SPIN1: variants seen among roughly 807,000 people sequenced by gnomAD.
The protein encoded by SPIN1 is spindlin-1.
Under a neutral mutation model 26.0 loss-of-function variants are expected in SPIN1, and 3 were observed. The observed-to-expected ratio is 0.12, with a 90% CI of 0.05 to 0.30. The LOEUF (loss-of-function observed/expected upper bound fraction) is 0.30. Among genes scored for constraint, SPIN1 ranks in the 10% least tolerant of loss-of-function variants. The probability of loss-of-function intolerance (pLI) is 1.00; values close to 1 mark genes in which losing one functional copy is unlikely to be tolerated. For missense variants in SPIN1, 126 were observed against 333.4 expected (o/e 0.38, Z 4.84); for synonymous variants, 101 against 116.5 (o/e 0.87, Z 0.86).
chr9:88,471,597 G>A (rs1828786562), intron 5 of SPIN1, among the ~76,000 whole-genome samples: 1 of 136,890 alleles, frequency 7.3e-6, no homozygotes, highest in South Asian at 2.4e-4. Flanking sequence ...GGATGTTGCA[G>A]TGAGCCAAGA....
chr9:88,450,699 C>G (rs998526808), intron 3 of SPIN1, among the ~76,000 whole-genome samples: 38 of 152,294 alleles, frequency 2.5e-4, no homozygotes, highest in African/African-American at 8.7e-4. Flanking sequence ...GTCTTGAAGA[C>G]TGGAAGCCTT....
At chr9:88,469,242 G>T (rs1415521646) in intron 5 of SPIN1, among the ~76,000 whole-genome samples, 2 of 152,200 alleles carry the variant, frequency 1.3e-5, no homozygotes, top group African/African-American at 4.8e-5. Context: ...TGCCTCTGCT[G>T]ATCTGACAGG....
chr9:88,472,974 C>T lies in SPIN1; in HGVS notation c.590-2104C>T, dbSNP rs80198708. On this transcript the variant is annotated intron_variant, in intron 5 of 5. Transcript: ENST00000375859. Reference sequence around the variant, plus strand: ...ACAGATGTAACTGGTAGGCCCTCTCCATACATTAGCCATGCGTCAGTCATC... The same window carrying T: ...ACAGATGTAACTGGTAGGCCCTCTCTATACATTAGCCATGCGTCAGTCATC... 7.4e-3 allele frequency among the ~76,000 whole-genome samples: 1,132 copies of T among 152,274 alleles called. 16 individuals carry two copies. Among genetic ancestry groups the T allele is most frequent in the African/African-American group, 0.025 (1,059 of 41,568 alleles).
At position 88,445,291 on chromosome 9, in the gene SPIN1, C is replaced by T. The variant is rs755306508; in HGVS notation, c.53-3650C>T. ...CAGGAATGCTTCAGGTAGACTTGCT[C>T]CTGCTTCCTGTCTGTGTCTTGTCTT... On this transcript the variant is annotated intron_variant, in intron 2 of 5. Transcript: ENST00000375859. Among the ~76,000 whole-genome samples the T allele has an allele frequency of 2.2e-4, 33 of 152,126 alleles. 1 individual carries two copies. Among genetic ancestry groups the T allele is most frequent in the Non-Finnish European group, 2.9e-4 (20 of 67,996 alleles).
chr9:88,415,544 T>C (rs1447357144), intron 1 of SPIN1: 1 of 152,066 alleles, frequency 6.6e-6, no homozygotes, highest in Non-Finnish European at 1.5e-5. Flanking sequence ...GCCTCCCAGT[T>C]AGCTGGGACT....
chr9:88,402,423 A>G (rs1827207051), intron 1 of SPIN1, among the ~76,000 whole-genome samples: 1 of 151,882 alleles, frequency 6.6e-6, no homozygotes, highest in Non-Finnish European at 1.5e-5. Context: ...TTCTAACTGT[A>G]TGTTTGTACC....
intron 1 of SPIN1, among the ~76,000 whole-genome samples, chr9:88,403,423 T>C (rs532326269): frequency 6.6e-6 from 1 of 152,326 alleles, no homozygotes; most frequent in African/African-American, 2.4e-5. Flanking sequence ...TTTAGAGCTA[T>C]GTATCAACCA....
chr9:88,453,562 G>GT (rs1329534841), intron 3 of SPIN1, among the ~76,000 whole-genome samples: 1 of 151,604 alleles, frequency 6.6e-6, no homozygotes, highest in Non-Finnish European at 1.5e-5. Context: ...CCGAGATGGA[G>GT]TTTTGCTCTT....
intron 2 of SPIN1, among the ~76,000 whole-genome samples, chr9:88,444,333 C>T (rs1419401983): frequency 2.0e-5 from 3 of 150,598 alleles, no homozygotes; most frequent in Admixed American, 6.6e-5. Context: ...CTCCGCCTCC[C>T]GGGTTCCTGC....
At chr9:88,436,589 TTCTC>T (rs1224167831) in intron 2 of SPIN1, among the ~76,000 whole-genome samples, 4 of 152,052 alleles carry the variant, frequency 2.6e-5, no homozygotes, top group African/African-American at 7.2e-5. Context: ...CCCATTGTTC[TTCTC>T]TCTCTCACCC....
intron 1 of SPIN1, among the ~76,000 whole-genome samples, chr9:88,396,433 C>G (rs1162037010): frequency 2.0e-5 from 3 of 151,632 alleles, no homozygotes; most frequent in Non-Finnish European, 2.9e-5. Flanking sequence ...GAAACCCCGT[C>G]TCTACTAAAA....
chr9:88,402,085 G>A (rs1235662044), intron 1 of SPIN1, among the ~76,000 whole-genome samples: 1 of 152,108 alleles, frequency 6.6e-6, no homozygotes, highest in Non-Finnish European at 1.5e-5. Flanking sequence ...CTTGCCTCCT[G>A]GGTTCAAGCA....
chr9:88,423,761 T>C, intron 1 of SPIN1, among the ~76,000 whole-genome samples: 1 of 136,682 alleles, frequency 7.3e-6, no homozygotes, highest in South Asian at 2.1e-4. Flanking sequence ...GCTCTTGATC[T>C]TCTTTATTTA....
intron 3 of SPIN1, among the ~76,000 whole-genome samples, chr9:88,457,210 C>T (rs1828489365): frequency 6.6e-6 from 1 of 152,112 alleles, no homozygotes; most frequent in Non-Finnish European, 1.5e-5. Flanking sequence ...ATTAAAAACA[C>T]ATGTCACAAG....
At chr9:88,418,654 C>T (rs1168868768) in intron 1 of SPIN1, 2 of 152,222 alleles carry the variant, frequency 1.3e-5, no homozygotes, top group Non-Finnish European at 2.9e-5. Flanking sequence ...CTGAGAATTA[C>T]TGCTTTTATA....
chr9:88,454,927 G>T (rs1828440054), intron 3 of SPIN1, among the ~76,000 whole-genome samples: 1 of 152,106 alleles, frequency 6.6e-6, no homozygotes, highest in Non-Finnish European at 1.5e-5. Flanking sequence ...TCAGCCTTGA[G>T]GGGAAAATTA....
chr9:88,442,767 G>C (rs188713491), intron 2 of SPIN1, among the ~76,000 whole-genome samples: 52 of 151,714 alleles, frequency 3.4e-4, no homozygotes, highest in Admixed American at 1.5e-3. Context: ...GCATTTATTT[G>C]GCTTGGCATT....
In SPIN1 at chr9:88,463,306, G is replaced by A. The variant is rs553777691; in HGVS notation, c.355+557G>A. Among the ~76,000 whole-genome samples, 16 of 152,242 alleles carry A rather than the reference G, an allele frequency of 1.1e-4. No individual in the cohort carries two copies. The East Asian group carries it at 3.1e-3, about 29-fold the overall frequency. On this transcript the variant is annotated intron_variant, in intron 4 of 5. Coordinates refer to ENST00000375859, the MANE Select transcript of SPIN1 (RefSeq NM_006717.3). ...TTTTGCCCTGCAAGTGTTCCTTAAG[G>A]CATAAGGTCTAAGGTAAATAATAAT...
intron 1 of SPIN1, among the ~76,000 whole-genome samples, chr9:88,407,164 G>A (rs530380980): frequency 6.8e-5 from 10 of 146,578 alleles, no homozygotes; most frequent in Admixed American, 5.4e-4. Context: ...AAAAGATGGA[G>A]TCTCACTCTG....
Sources: allele counts gnomAD v4.1 joint callset (sites outside exome capture counted in the v4.1 genomes callset), GRCh38; gene constraint gnomAD v4.1.1; transcripts MANE v1.5; gene names NCBI Gene and HGNC (gene_info 2026-07-23, HGNC 2026-07-21).